Variants in LRP5 observed in about 807,000 individuals in gnomAD.
LRP5 encodes low-density lipoprotein receptor-related protein 5.
A neutral mutation model predicts 154.1 loss-of-function variants in LRP5; 62 were observed. That is an observed-to-expected ratio of 0.40 (90% CI 0.33 to 0.50). LRP5 has a LOEUF of 0.50. LRP5 is among the 20% of genes least tolerant of loss of function. The pLI, the probability that LRP5 is intolerant of heterozygous loss-of-function variation, is 0.55. For missense variants in LRP5, 1,915 were observed against 2,336.7 expected (o/e 0.82, Z 3.72); for synonymous variants, 966 against 1,011.5 (o/e 0.96, Z 0.85).
At chr11:68,323,883 G>T (rs1055037153) in intron 1 of LRP5, among the ~76,000 whole-genome samples, 1 of 152,230 alleles carries the variant, frequency 6.6e-6, no homozygotes, top group African/African-American at 2.4e-5. Flanking sequence ...CAGGGAGTTT[G>T]CTGCAGTGCC....
In LRP5 at chr11:68,449,114, T is replaced by A. The variant is rs1228201740; in HGVS notation, c.*44T>A. On this transcript the variant is annotated 3_prime_UTR_variant, in exon 23 of 23. Transcript: ENST00000294304. ...GGCTTCTCTGTGCCCCTGTAAATAG[T>A]TTTAAATATGAACAAAGAAAAAAAT... 1.6e-5 allele frequency: 24 copies of A among 1,455,478 alleles called. No individual in the cohort carries two copies. The highest frequency in any genetic ancestry group is 2.0e-5 in the Non-Finnish European group (22 of 1,100,808). 90.2% of individuals were successfully genotyped at this position (1,455,478 alleles called of 1,614,324 possible).
chr11:68,350,460 C>T (rs1388243746), intron 2 of LRP5, among the ~76,000 whole-genome samples: 2 of 152,252 alleles, frequency 1.3e-5, no homozygotes, highest in Admixed American at 6.5e-5. Flanking sequence ...CTTGGCCATG[C>T]CCTGTGGGAC....
intron 1 of LRP5, among the ~76,000 whole-genome samples, chr11:68,330,370 T>C (rs2098602079): frequency 6.6e-6 from 1 of 152,252 alleles, no homozygotes; most frequent in Admixed American, 6.5e-5. Flanking sequence ...TGCTGTGCAG[T>C]ATTCCATAGC....
At chr11:68,382,945 T>A (rs1037069154) in intron 5 of LRP5, among the ~76,000 whole-genome samples, 1 of 151,968 alleles carries the variant, frequency 6.6e-6, no homozygotes, top group African/African-American at 2.4e-5. Flanking sequence ...TGGCGCGATC[T>A]CAGCTCATTG....
chr11:68,390,577 T>A (rs1304574379), intron 7 of LRP5, among the ~76,000 whole-genome samples: 1 of 152,276 alleles, frequency 6.6e-6, no homozygotes, highest in Admixed American at 6.5e-5. Flanking sequence ...GTTCTCCCTT[T>A]GCTGGGTGCA....
chr11:68,397,972 T>TTGTGTGTGTG (rs113280059), intron 7 of LRP5, among the ~76,000 whole-genome samples: 14,741 of 142,042 alleles, frequency 0.1, 842 homozygotes, highest in East Asian at 0.13. Flanking sequence ...CTGTGTGTGT[T>TTGTGTGTGTG]TGTGTGTGTG....
intron 8 of LRP5, among the ~76,000 whole-genome samples, chr11:68,405,436 C>T (rs2098655061): frequency 6.8e-6 from 1 of 147,614 alleles, no homozygotes; most frequent in Non-Finnish European, 1.5e-5. Context: ...TGCCACTGCA[C>T]TCCAGCCTGG....
chr11:68,363,955 C>T lies in LRP5; in HGVS notation c.883+12C>T. Reference sequence around the variant, plus strand: ...GCGGCAGCCTTTCTGTGAGTGCCGGCTGGGGCGCGGGGGCGAGGGTGCGGG... The same window carrying T: ...GCGGCAGCCTTTCTGTGAGTGCCGGTTGGGGCGCGGGGGCGAGGGTGCGGG... On this transcript the variant is annotated intron_variant, in intron 4 of 22. Transcript: ENST00000294304. The T allele has an allele frequency of 6.9e-7, 1 of 1,442,412 alleles. No individual in the cohort carries two copies. Among genetic ancestry groups the T allele is most frequent in the Non-Finnish European group, 9.4e-7 (1 of 1,065,156 alleles). The allele number at this position is 1,442,412 out of a possible 1,614,324, so 89.4% of individuals were successfully genotyped here. A position where few individuals can be genotyped will look rare whatever the true frequency, so the allele number is the denominator to read the frequency against.
intron 1 of LRP5, among the ~76,000 whole-genome samples, chr11:68,346,954 T>C (rs897697567): frequency 1.3e-5 from 2 of 152,290 alleles, no homozygotes; most frequent in African/African-American, 4.8e-5. Context: ...ATTGAGCCCG[T>C]TGTGGGAATG....
At chr11:68,381,365 C>T (rs182545900) in intron 5 of LRP5, among the ~76,000 whole-genome samples, 6 of 152,166 alleles carry the variant, frequency 3.9e-5, no homozygotes, top group South Asian at 4.1e-4. Context: ...TCCATGTGGT[C>T]GGGGACAGAG....
intron 9 of LRP5, among the ~76,000 whole-genome samples, chr11:68,407,068 T>C (rs1173780024): frequency 1.3e-5 from 2 of 152,148 alleles, no homozygotes; most frequent in African/African-American, 4.8e-5. Context: ...TGAGCTTGAC[T>C]TCAGACACCC....
chr11:68,341,583 A>G (rs2098609154), intron 1 of LRP5, among the ~76,000 whole-genome samples: 1 of 152,072 alleles, frequency 6.6e-6, no homozygotes, highest in African/African-American at 2.4e-5. Flanking sequence ...CTGTGAAACG[A>G]GAGACCTTGG....
At chr11:68,326,201 C>T (rs950099381) in intron 1 of LRP5, among the ~76,000 whole-genome samples, 9 of 152,190 alleles carry the variant, frequency 5.9e-5, no homozygotes, top group African/African-American at 1.4e-4. Context: ...CAGGTACCTT[C>T]GGGTGCGCCT....
chr11:68,315,095 G>GT (rs1451014943), intron 1 of LRP5, among the ~76,000 whole-genome samples: 1 of 152,162 alleles, frequency 6.6e-6, no homozygotes, highest in East Asian at 1.9e-4. Context: ...GCTGATGGGG[G>GT]TGGAGGGGTT....
intron 14 of LRP5, among the ~76,000 whole-genome samples, chr11:68,424,268 C>G (rs1298194921): frequency 6.6e-6 from 1 of 150,412 alleles, no homozygotes; most frequent in African/African-American, 2.5e-5. Flanking sequence ...CCTCAGATAG[C>G]TGGGGGGCTG....
chr11:68,414,078 G>A (rs998578203), intron 12 of LRP5, 66 bp downstream of exon 12: 7 of 1,437,884 alleles, frequency 4.9e-6, no homozygotes, highest in South Asian at 1.2e-5. Flanking sequence ...GGGAGCTGAC[G>A]CTGAAAGGAG....
intron 1 of LRP5, among the ~76,000 whole-genome samples, chr11:68,342,087 A>G (rs1189883053): frequency 7.7e-6 from 1 of 129,978 alleles, no homozygotes; most frequent in Non-Finnish European, 1.6e-5. Context: ...TTTTTTTTTT[A>G]AGCTTTAAAA....
chr11:68,381,276 TG>T (rs950926784), intron 5 of LRP5, among the ~76,000 whole-genome samples: 34 of 152,032 alleles, frequency 2.2e-4, no homozygotes, highest in Non-Finnish European at 3.5e-4. Flanking sequence ...TTAGGGTGTG[TG>T]GGGGGGTGCA....
intron 1 of LRP5, among the ~76,000 whole-genome samples, chr11:68,342,232 C>T (rs1168970825): frequency 2.6e-5 from 4 of 152,144 alleles, no homozygotes; most frequent in Admixed American, 2.0e-4. Flanking sequence ...CCCTTCTACT[C>T]TGCTACTCTG....
Sources: gnomAD v4.1 joint callset for allele counts (sites outside exome capture counted in the v4.1 genomes callset) on GRCh38, gnomAD v4.1.1 for gene constraint, MANE v1.5 for transcripts, NCBI Gene and HGNC (gene_info 2026-07-23, HGNC 2026-07-21) for gene names.